CAMK2D: variants seen among roughly 807,000 people sequenced by gnomAD.
CAMK2D encodes calcium/calmodulin-dependent protein kinase type II subunit delta.
Under a neutral mutation model 84.0 loss-of-function variants are expected in CAMK2D, and 37 were observed. The ratio of observed to expected loss-of-function variants is 0.44; its 90% CI spans 0.34 to 0.58. The LOEUF (loss-of-function observed/expected upper bound fraction) is 0.58, where lower values mean the gene tolerates loss of function less well. CAMK2D is among the 20% of genes least tolerant of loss of function. The pLI is 0.02. For synonymous variants in CAMK2D, 202 were observed against 212.5 expected (o/e 0.95, Z 0.43); for missense variants, 448 against 652.5 (o/e 0.69, Z 3.41).
At chr4:113,632,209 A>ATG (rs1259127114) in intron 3 of CAMK2D, among the ~76,000 whole-genome samples, 52 of 152,202 alleles carry the variant, frequency 3.4e-4, no homozygotes, top group African/African-American at 1.3e-3. Flanking sequence ...CTCATTCTAT[A>ATG]TGTGTGTGTA....
At chr4:113,548,669 G>A (rs774965248) in intron 5 of CAMK2D, 1 of 1,553,784 alleles carries the variant, frequency 6.4e-7, no homozygotes, top group Non-Finnish European at 8.9e-7. Flanking sequence ...TCAGGTCCCT[G>A]TGAACTATGC....
chr4:113,549,338 C>T lies in CAMK2D; in HGVS notation c.342-1622G>A, dbSNP rs75504836. On this transcript the variant is annotated intron_variant, in intron 5 of 20. Transcript: ENST00000511664. The stretch of plus-strand genomic sequence containing the variant: ...AAAGTAAACTCATGAATAAAATAAA[C>T]CCCTCTTTAGTGTAAGAATACTTTG... Among the ~76,000 whole-genome samples, 1,258 of 152,268 alleles carry T rather than the reference C, an allele frequency of 8.3e-3. 20 individuals carry two copies. Among genetic ancestry groups the T allele is most frequent in the African/African-American group, 0.029 (1,200 of 41,552 alleles).
In CAMK2D at chr4:113,452,471, T is replaced by G. The variant is rs562950191; in HGVS notation, c.*2074A>C. ...AAATATATCAATCAGTCCTTTACCA[T>G]TATGGCAAGAAATATATACAGTGTC... is the stretch of plus-strand genomic sequence containing the variant. On this transcript the variant is annotated 3_prime_UTR_variant, in exon 21 of 21. Transcript: ENST00000511664. 6.5e-6 allele frequency: 1 copy of G among 152,746 alleles called. No homozygotes were observed. The highest frequency in any genetic ancestry group is 2.1e-4 in the South Asian group (1 of 4,832). The allele number at this position is 152,746 out of a possible 1,614,324, so 9.5% of individuals were successfully genotyped here. A position where few individuals can be genotyped will look rare whatever the true frequency, so the allele number is the denominator to read the frequency against.
chr4:113,736,029 G>A (rs2099580404), intron 2 of CAMK2D, among the ~76,000 whole-genome samples: 1 of 151,440 alleles, frequency 6.6e-6, no homozygotes, highest in Non-Finnish European at 1.5e-5. Context: ...AATATAGACG[G>A]GAAATCTTTA....
At chr4:113,531,789 G>C (rs2098460065) in intron 7 of CAMK2D, among the ~76,000 whole-genome samples, 1 of 152,116 alleles carries the variant, frequency 6.6e-6, no homozygotes, top group African/African-American at 2.4e-5. Flanking sequence ...TACTGAACAA[G>C]TATCAACTAG....
chr4:113,604,824 C>A (rs1341386755), intron 4 of CAMK2D, among the ~76,000 whole-genome samples: 1 of 152,164 alleles, frequency 6.6e-6, no homozygotes, highest in African/African-American at 2.4e-5. Context: ...TGATTCTCAT[C>A]ATGCCCTTAA....
intron 19 of CAMK2D, among the ~76,000 whole-genome samples, chr4:113,456,422 T>C (rs1472500037): frequency 6.6e-6 from 1 of 152,226 alleles, no homozygotes; most frequent in Non-Finnish European, 1.5e-5. Flanking sequence ...TCTTTAGTTG[T>C]AACCGGCCTT....
intron 16 of CAMK2D, among the ~76,000 whole-genome samples, chr4:113,485,791 C>T (rs1403781362): frequency 6.6e-6 from 1 of 152,170 alleles, no homozygotes; most frequent in Non-Finnish European, 1.5e-5. Flanking sequence ...CCATAACTAG[C>T]ACCTTCCCTC....
At chr4:113,757,724 G>A (rs1472817278) in intron 2 of CAMK2D, among the ~76,000 whole-genome samples, 1 of 152,130 alleles carries the variant, frequency 6.6e-6, no homozygotes, top group Non-Finnish European at 1.5e-5. Flanking sequence ...AGCAAGTAAG[G>A]AAACACTGGT....
At chr4:113,648,666 C>A (rs376390613) in intron 3 of CAMK2D, among the ~76,000 whole-genome samples, 1 of 152,152 alleles carries the variant, frequency 6.6e-6, no homozygotes, top group African/African-American at 2.4e-5. Context: ...TTGCTACAGA[C>A]GTTATGTTGC....
At chr4:113,565,301 T>A (rs185820398) in intron 4 of CAMK2D, among the ~76,000 whole-genome samples, 1 of 152,296 alleles carries the variant, frequency 6.6e-6, no homozygotes, top group Non-Finnish European at 1.5e-5. Flanking sequence ...CAAAGGGCTG[T>A]ACAATACCTC....
At position 113,761,487 on chromosome 4, in the gene CAMK2D, G is replaced by T. The variant is rs886299203; in HGVS notation, c.-419C>A. 7 of 1,068,210 alleles carry T rather than the reference G, an allele frequency of 6.6e-6. No individual in the cohort carries two copies. Among genetic ancestry groups the T allele is most frequent in the Admixed American group, 9.8e-5 (2 of 20,380 alleles). The allele number at this position is 1,068,210 out of a possible 1,614,324, so 66.2% of individuals were successfully genotyped here. A position where few individuals can be genotyped will look rare whatever the true frequency, so the allele number is the denominator to read the frequency against. ...TGGAGCAGGAGGAGTAGAAGCAGAG[G>T]GGAGGGAGTCCGAGGGGGCGGAGGT... On this transcript the variant is annotated 5_prime_UTR_variant, in exon 1 of 21. Transcript: ENST00000511664.
chr4:113,611,181 T>C (rs997189395), intron 3 of CAMK2D, among the ~76,000 whole-genome samples: 1 of 152,300 alleles, frequency 6.6e-6, no homozygotes, highest in South Asian at 2.1e-4. Context: ...AGATGCCTGC[T>C]AGCCTTGCTT....
At chr4:113,517,900 G>A (rs1344429843) in intron 8 of CAMK2D, among the ~76,000 whole-genome samples, 1 of 152,198 alleles carries the variant, frequency 6.6e-6, no homozygotes, top group Non-Finnish European at 1.5e-5. Flanking sequence ...GAATTCTAAA[G>A]AGGCATGGCA....
intron 16 of CAMK2D, among the ~76,000 whole-genome samples, chr4:113,490,607 G>A (rs1263414259): frequency 6.7e-6 from 1 of 149,890 alleles, no homozygotes; most frequent in Non-Finnish European, 1.5e-5. Context: ...CTTGGCTTAG[G>A]ACTGACTTGG....
intron 3 of CAMK2D, among the ~76,000 whole-genome samples, chr4:113,627,063 GCAA>G (rs1277763858): frequency 6.6e-6 from 1 of 152,058 alleles, no homozygotes; most frequent in Admixed American, 6.6e-5. Flanking sequence ...GAATAAAGCA[GCAA>G]ATTATTACAT....
At chr4:113,576,920 T>C (rs1469338496) in intron 4 of CAMK2D, among the ~76,000 whole-genome samples, 8 of 152,178 alleles carry the variant, frequency 5.3e-5, no homozygotes. Context: ...GATTTATACA[T>C]TCACATTCTC....
At chr4:113,664,935 C>T (rs1405336563) in intron 2 of CAMK2D, among the ~76,000 whole-genome samples, 1 of 152,156 alleles carries the variant, frequency 6.6e-6, no homozygotes, top group Non-Finnish European at 1.5e-5. Context: ...TCCCAAGTAG[C>T]TGGCATTGCA....
chr4:113,587,705 G>T (rs1172122307), intron 4 of CAMK2D, among the ~76,000 whole-genome samples: 2 of 152,068 alleles, frequency 1.3e-5, no homozygotes, highest in African/African-American at 4.8e-5. Context: ...CAGACTATTA[G>T]TAACAGTCAG....
Sources: gnomAD v4.1 joint callset for allele counts (sites outside exome capture counted in the v4.1 genomes callset) on GRCh38, gnomAD v4.1.1 for gene constraint, MANE v1.5 for transcripts, NCBI Gene and HGNC (gene_info 2026-07-23, HGNC 2026-07-21) for gene names.